The following AGBL1 variants were observed in gnomAD, a reference collection of about 807,000 sequenced individuals.
AGBL1 encodes the protein cytosolic carboxypeptidase 4.
In AGBL1, 130 loss-of-function variants were observed where a neutral mutation model predicts 118.9. That is an observed-to-expected ratio of 1.09 (90% CI 0.95 to 1.26). AGBL1 has a LOEUF of 1.26. Ranked by LOEUF, AGBL1 falls within the 50% of genes most tolerant of loss-of-function variation. The pLI, the probability that AGBL1 is intolerant of heterozygous loss-of-function variation, is 0.00. For missense variants in AGBL1, 1,584 were observed against 1,298.1 expected (o/e 1.22, Z -3.38); for synonymous variants, 555 against 478.9 (o/e 1.16, Z -2.08).
At chr15:86,655,512 T>A (rs1309028215) in intron 21 of AGBL1, among the ~76,000 whole-genome samples, 1 of 152,212 alleles carries the variant, frequency 6.6e-6, no homozygotes, top group African/African-American at 2.4e-5. Context: ...GTCTTTCCTT[T>A]TCTCTCCTCT....
chr15:86,872,007 C>T (rs753043178), intron 22 of AGBL1, among the ~76,000 whole-genome samples: 1 of 152,212 alleles, frequency 6.6e-6, no homozygotes, highest in African/African-American at 2.4e-5. Flanking sequence ...TCTCCATTTT[C>T]TCATTCAGAT....
chr15:86,878,750 G>A (rs1054711751), intron 22 of AGBL1, among the ~76,000 whole-genome samples: 10 of 152,218 alleles, frequency 6.6e-5, no homozygotes, highest in African/African-American at 2.4e-4. Context: ...CTCGTTCAAT[G>A]TTAGCTAATC....
chr15:86,904,297 C>T (rs1308364093), intron 22 of AGBL1, among the ~76,000 whole-genome samples: 6 of 151,990 alleles, frequency 3.9e-5, no homozygotes, highest in Non-Finnish European at 7.4e-5. Flanking sequence ...ATACGGTCTG[C>T]CTTTTTCTCT....
At chr15:86,687,804 T>C (rs2086086796) in intron 22 of AGBL1, among the ~76,000 whole-genome samples, 1 of 152,164 alleles carries the variant, frequency 6.6e-6, no homozygotes, top group Non-Finnish European at 1.5e-5. Flanking sequence ...TGTTTCTATT[T>C]ATAGCCCCTC....
At chr15:86,462,453 A>G (rs980681678) in intron 18 of AGBL1, among the ~76,000 whole-genome samples, 3 of 151,814 alleles carry the variant, frequency 2.0e-5, no homozygotes, top group Non-Finnish European at 4.4e-5. Context: ...AAACACAAAA[A>G]ACTTTTACTT....
At chr15:86,639,768 A>C (rs1393629052) in intron 21 of AGBL1, among the ~76,000 whole-genome samples, 3 of 152,220 alleles carry the variant, frequency 2.0e-5, no homozygotes, top group Non-Finnish European at 4.4e-5. Context: ...CCTGAGCAGG[A>C]AAAGCAAGTT....
chr15:86,379,113 G>A (rs4392027), intron 17 of AGBL1, among the ~76,000 whole-genome samples: 59,088 of 151,256 alleles, frequency 0.39, 12,414 homozygotes, highest in East Asian at 0.66. Flanking sequence ...GGGTTTCACC[G>A]TGTTGGTCAG....
intron 22 of AGBL1, among the ~76,000 whole-genome samples, chr15:86,856,554 CAG>C (rs2079483562): frequency 1.3e-5 from 2 of 152,238 alleles, no homozygotes; most frequent in Non-Finnish European, 2.9e-5. Flanking sequence ...CAAACAGAAA[CAG>C]ATACATTTCT....
chr15:86,488,282 C>A (rs1939995445), intron 18 of AGBL1, among the ~76,000 whole-genome samples: 1 of 151,998 alleles, frequency 6.6e-6, no homozygotes. Context: ...TGTAACCCAG[C>A]AACTATGCAT....
At chr15:86,200,196 T>C (rs2077880745) in intron 5 of AGBL1, among the ~76,000 whole-genome samples, 1 of 152,224 alleles carries the variant, frequency 6.6e-6, no homozygotes, top group Admixed American at 6.5e-5. Flanking sequence ...CTTTTATTCA[T>C]ATTTAAAGCC....
At chr15:86,565,944 A>T (rs4887482) in intron 21 of AGBL1, among the ~76,000 whole-genome samples, 89,132 of 152,096 alleles carry the variant, frequency 0.59, 26,966 homozygotes, top group East Asian at 0.91. Flanking sequence ...CGCGGGATAT[A>T]ATCTCCTAGC....
In AGBL1 at chr15:86,653,964, G is replaced by A. The variant is rs146092256; in HGVS notation, c.2995-20309G>A. On this transcript the variant is annotated intron_variant, in intron 21 of 22. Coordinates refer to ENST00000614907, the MANE Select transcript of AGBL1 (RefSeq NM_001386094.1). The stretch of plus-strand genomic sequence containing the variant: ...CAGTAAATGAAAGCAGATTAGAGCA[G>A]AAGAATGTGAGTAGTTTGATAAAAA... Among the ~76,000 whole-genome samples, 76 of 152,262 alleles carry A rather than the reference G, an allele frequency of 5.0e-4. 1 individual carries two copies. The highest frequency in any genetic ancestry group is 1.8e-3 in the African/African-American group (75 of 41,562).
intron 18 of AGBL1, among the ~76,000 whole-genome samples, chr15:86,488,329 C>A (rs889673624): frequency 2.6e-5 from 4 of 151,974 alleles, no homozygotes; most frequent in Non-Finnish European, 4.4e-5. Context: ...TTCCTTCTTA[C>A]CCCCGAGATT....
chr15:86,307,600 C>T (rs923819372), intron 17 of AGBL1, among the ~76,000 whole-genome samples: 1 of 152,028 alleles, frequency 6.6e-6, no homozygotes, highest in South Asian at 2.1e-4. Context: ...AGTGAGAAAT[C>T]AGAATTTAGG....
chr15:86,136,643 C>T (rs2076893049), intron 1 of AGBL1, among the ~76,000 whole-genome samples: 1 of 152,154 alleles, frequency 6.6e-6, no homozygotes, highest in African/African-American at 2.4e-5. Context: ...CAGAGGTACC[C>T]ATGATACTCT....
chr15:86,700,403 T>C (rs189985723), intron 22 of AGBL1, among the ~76,000 whole-genome samples: 2 of 151,758 alleles, frequency 1.3e-5, no homozygotes, highest in Non-Finnish European at 2.9e-5. Flanking sequence ...CTTGGTCCTT[T>C]TGTGAAGTTA....
intron 19 of AGBL1, among the ~76,000 whole-genome samples, chr15:86,541,181 C>T (rs2083489672): frequency 6.6e-6 from 1 of 152,136 alleles, no homozygotes; most frequent in South Asian, 2.1e-4. Flanking sequence ...GATTAAACCT[C>T]AAACAATTAT....
At chr15:86,712,459 A>G (rs1250733237) in intron 22 of AGBL1, among the ~76,000 whole-genome samples, 2 of 152,140 alleles carry the variant, frequency 1.3e-5, no homozygotes, top group African/African-American at 4.8e-5. Context: ...AGATTAGGCA[A>G]TTGGGCTTCA....
chr15:86,831,173 G>A (rs549020037), intron 22 of AGBL1, among the ~76,000 whole-genome samples: 22 of 152,206 alleles, frequency 1.4e-4, no homozygotes, highest in Admixed American at 5.9e-4. Context: ...CTCCCCCTGG[G>A]TTCCTCCCAT....
Sources: gnomAD v4.1 joint callset for allele counts (sites outside exome capture counted in the v4.1 genomes callset) on GRCh38, gnomAD v4.1.1 for gene constraint, MANE v1.5 for transcripts, NCBI Gene and HGNC (gene_info 2026-07-23, HGNC 2026-07-21) for gene names.